The following IMMP2L variants were observed in gnomAD, a reference collection of about 807,000 sequenced individuals.
IMMP2L encodes the protein inner mitochondrial membrane peptidase subunit 2, also known as mitochondrial inner membrane protease subunit 2.
Under a neutral mutation model 19.3 loss-of-function variants are expected in IMMP2L, and 18 were observed. The observed-to-expected ratio is 0.93, with a 90% CI of 0.64 to 1.38. The LOEUF is 1.38. Among genes scored for constraint, IMMP2L ranks in the 40% most tolerant of loss-of-function variants. The probability of loss-of-function intolerance (pLI) is 0.00; values close to 1 mark genes in which losing one functional copy is unlikely to be tolerated. For synonymous variants in IMMP2L, 76 were observed against 73.0 expected, an observed-to-expected ratio of 1.04 and a Z score of -0.21; for missense variants, 233 against 218.2, an observed-to-expected ratio of 1.07 and a Z score of -0.43.
At chr7:110,880,409 G>A (rs1337398109) in intron 5 of IMMP2L, among the ~76,000 whole-genome samples, 2 of 152,018 alleles carry the variant, frequency 1.3e-5, no homozygotes, top group Admixed American at 6.6e-5. Context: ...TCAGTCAAAA[G>A]AACGTTATTT....
chr7:110,915,593 CAGATAATAGATTTTAAGTGTACTCACTG>C (rs2129549345), intron 4 of IMMP2L, among the ~76,000 whole-genome samples: 1 of 152,192 alleles, frequency 6.6e-6, no homozygotes, highest in African/African-American at 2.4e-5. Context: ...GAAACTTATC[CAGATAATAGATTTTAAGTGTACTCACTG>C]AGGACCATCT....
intron 5 of IMMP2L, among the ~76,000 whole-genome samples, chr7:110,821,361 G>C (rs1441690163): frequency 9.2e-5 from 14 of 152,072 alleles, no homozygotes. Flanking sequence ...TTATCAATGA[G>C]TTTCCTCAGA....
At chr7:111,220,867 C>T (rs974452837) in intron 3 of IMMP2L, among the ~76,000 whole-genome samples, 1 of 151,934 alleles carries the variant, frequency 6.6e-6, no homozygotes, top group African/African-American at 2.4e-5. Flanking sequence ...GAGATGAGTG[C>T]TACAGTTCAA....
In IMMP2L at chr7:111,340,240, G is replaced by T. The variant is rs544107748; in HGVS notation, c.239+146998C>A. ...TCTATAGTAATTCAATATGATCCCTGAATATTTGACATTTTTTGTTCTGTT... is the reference window on the plus strand; with the variant it reads ...TCTATAGTAATTCAATATGATCCCTTAATATTTGACATTTTTTGTTCTGTT... On this transcript the variant is annotated intron_variant, in intron 3 of 5. Transcript: ENST00000405709. 1.4e-4 allele frequency among the ~76,000 whole-genome samples: 21 copies of T among 151,928 alleles called. 1 individual carries two copies. The highest frequency in any genetic ancestry group is 3.1e-4 in the Non-Finnish European group (21 of 67,924).
chr7:111,417,064 T>A (rs1197485345), intron 3 of IMMP2L, among the ~76,000 whole-genome samples: 2 of 151,760 alleles, frequency 1.3e-5, no homozygotes, highest in East Asian at 3.8e-4. Context: ...TTCAACAAAC[T>A]ACCATATTAG....
intron 5 of IMMP2L, among the ~76,000 whole-genome samples, chr7:110,795,578 T>A (rs1383675854): frequency 1.3e-5 from 2 of 152,032 alleles, no homozygotes; most frequent in African/African-American, 4.8e-5. Context: ...TAAAGAAACA[T>A]CTGCTGAACC....
At chr7:111,454,872 G>A (rs1839548697) in intron 3 of IMMP2L, among the ~76,000 whole-genome samples, 1 of 151,962 alleles carries the variant, frequency 6.6e-6, no homozygotes, top group Admixed American at 6.6e-5. Context: ...GAAACCATAA[G>A]AAAACATCAG....
intron 3 of IMMP2L, among the ~76,000 whole-genome samples, chr7:111,080,282 C>T (rs1202710960): frequency 1.3e-5 from 2 of 152,080 alleles, no homozygotes; most frequent in Non-Finnish European, 2.9e-5. Flanking sequence ...ATTTTGAAAA[C>T]TCTTCCATTA....
chr7:110,860,401 C>CAATG (rs1199462116), intron 5 of IMMP2L, among the ~76,000 whole-genome samples: 1 of 151,968 alleles, frequency 6.6e-6, no homozygotes, highest in Non-Finnish European at 1.5e-5. Flanking sequence ...ACTTAAAAGG[C>CAATG]AATGTCATGT....
chr7:111,015,262 T>C (rs565550488), intron 3 of IMMP2L, among the ~76,000 whole-genome samples: 9 of 152,238 alleles, frequency 5.9e-5, no homozygotes, highest in East Asian at 5.8e-4. Context: ...AAAACATAGA[T>C]GAACTTTGAA....
At chr7:111,136,235 CCAGGCTAGT>C (rs2129595951) in intron 3 of IMMP2L, among the ~76,000 whole-genome samples, 1 of 152,200 alleles carries the variant, frequency 6.6e-6, no homozygotes, top group African/African-American at 2.4e-5. Flanking sequence ...ACCATCTTGG[CCAGGCTAGT>C]CTTGAACTTC....
chr7:111,172,909 T>C (rs1471254894), intron 3 of IMMP2L, among the ~76,000 whole-genome samples: 1 of 151,658 alleles, frequency 6.6e-6, no homozygotes, highest in Non-Finnish European at 1.5e-5. Flanking sequence ...CATGGTATAA[T>C]GGTGGAAAAA....
chr7:110,959,602 C>G (rs572487196), intron 4 of IMMP2L, among the ~76,000 whole-genome samples: 1 of 151,930 alleles, frequency 6.6e-6, no homozygotes, highest in South Asian at 2.1e-4. Flanking sequence ...TTTTAATTTT[C>G]TTTAAAAACA....
chr7:111,250,773 AAATGT>A (rs547120082), intron 3 of IMMP2L, among the ~76,000 whole-genome samples: 340 of 152,302 alleles, frequency 2.2e-3, no homozygotes, highest in Non-Finnish European at 3.1e-3. Context: ...TTAAAGACTT[AAATGT>A]AAAACCCAAA....
intron 3 of IMMP2L, among the ~76,000 whole-genome samples, chr7:111,236,192 T>C (rs181196176): frequency 1.3e-5 from 2 of 152,256 alleles, no homozygotes; most frequent in Non-Finnish European, 2.9e-5. Context: ...GTGTCATGGT[T>C]TCCTGTGTCT....
intron 5 of IMMP2L, among the ~76,000 whole-genome samples, chr7:110,805,644 A>G (rs974827000): frequency 6.6e-6 from 1 of 152,044 alleles, no homozygotes; most frequent in African/African-American, 2.4e-5. Context: ...CAATTGTGTC[A>G]AGGAAAAAAT....
chr7:110,719,790 A>C (rs1795457579), intron 5 of IMMP2L, among the ~76,000 whole-genome samples: 1 of 152,194 alleles, frequency 6.6e-6, no homozygotes, highest in Non-Finnish European at 1.5e-5. Context: ...CTGTTACAAT[A>C]ATGAGAGTTC....
intron 5 of IMMP2L, among the ~76,000 whole-genome samples, chr7:110,814,808 T>C (rs985742065): frequency 1.3e-5 from 2 of 151,518 alleles, no homozygotes; most frequent in African/African-American, 4.8e-5. Context: ...ATTTTAAGTA[T>C]AAAATAAACT....
chr7:110,706,250 G>C (rs942613327), intron 5 of IMMP2L, among the ~76,000 whole-genome samples: 1 of 152,038 alleles, frequency 6.6e-6, no homozygotes, highest in Non-Finnish European at 1.5e-5. Flanking sequence ...CTATGAGCAT[G>C]TGCCACCATG....
Sources: gnomAD v4.1 joint callset for allele counts (sites outside exome capture counted in the v4.1 genomes callset) on GRCh38, gnomAD v4.1.1 for gene constraint, MANE v1.5 for transcripts, NCBI Gene and HGNC (gene_info 2026-07-23, HGNC 2026-07-21) for gene names.